The following AGAP1 variants were observed in gnomAD, a reference collection of about 807,000 sequenced individuals.
AGAP1 encodes the protein arf-GAP with GTPase, ANK repeat and PH domain-containing protein 1.
A neutral mutation model predicts 105.3 loss-of-function variants in AGAP1; 29 were observed. That is an observed-to-expected ratio of 0.28 (90% CI 0.21 to 0.38). The LOEUF is 0.38. Among genes scored for constraint, AGAP1 ranks in the 10% least tolerant of loss-of-function variants. The probability of loss-of-function intolerance (pLI) is 1.00; values close to 1 mark genes in which losing one functional copy is unlikely to be tolerated. For missense variants in AGAP1, 998 were observed against 1,165.1 expected (o/e 0.86, Z 2.09); for synonymous variants, 509 against 485.9 (o/e 1.05, Z -0.63).
chr2:236,004,363 A>G (rs919602042), intron 13 of AGAP1, among the ~76,000 whole-genome samples: 2 of 152,230 alleles, frequency 1.3e-5, no homozygotes, highest in African/African-American at 4.8e-5. Flanking sequence ...TGGGATCCAC[A>G]TTCAACATAA....
In AGAP1 at chr2:235,906,270, C is replaced by T. The variant is rs561182345; in HGVS notation, c.1156-2468C>T. Among the ~76,000 whole-genome samples the T allele has an allele frequency of 5.3e-5, 8 of 152,326 alleles. No homozygotes were observed. In the South Asian group the frequency reaches 1.2e-3, roughly 24 times the overall value. ...CCTGGATAGCCTGTCTGTCCTTTGC[C>T]GGGGAATGCCCGGCCTTGCCCCTGC... On this transcript the variant is annotated intron_variant, in intron 10 of 17. Coordinates refer to ENST00000304032, the MANE Select transcript of AGAP1 (RefSeq NM_001037131.3). The surrounding 1 kb of genome is among the most constrained non-coding windows in gnomAD (Gnocchi z 5.3).
chr2:236,064,163 C>T (rs2058283898), intron 16 of AGAP1, among the ~76,000 whole-genome samples: 1 of 152,136 alleles, frequency 6.6e-6, no homozygotes, highest in Admixed American at 6.5e-5. Flanking sequence ...TTGGACCAAG[C>T]CAGAATTAGC....
chr2:236,078,647 G>A lies in AGAP1; in HGVS notation c.2114+29366G>A, dbSNP rs1013954565. Among the ~76,000 whole-genome samples, 1 of 152,170 alleles carries A rather than the reference G, an allele frequency of 6.6e-6. No homozygotes were observed. Among genetic ancestry groups the A allele is most frequent in the African/African-American group, 2.4e-5 (1 of 41,430 alleles). On this transcript the variant is annotated intron_variant, in intron 16 of 17. Transcript: ENST00000304032. The surrounding 1 kb of genome is among the most constrained non-coding windows in gnomAD (Gnocchi z 5.3). ...GAACCACCTGCTGAGCAGCGTGCTAGCATTTCTTGACTCCAGATGGGTTTC... is the reference window on the plus strand; with the variant it reads ...GAACCACCTGCTGAGCAGCGTGCTAACATTTCTTGACTCCAGATGGGTTTC...
At chr2:236,112,023 C>CT (rs1056902231) in intron 16 of AGAP1, among the ~76,000 whole-genome samples, 2 of 152,186 alleles carry the variant, frequency 1.3e-5, no homozygotes, top group Admixed American at 6.5e-5. Context: ...TTCCCTCGGG[C>CT]TTTTACCCCA....
chr2:235,698,839 T>A, intron 1 of AGAP1, among the ~76,000 whole-genome samples: 1 of 152,224 alleles, frequency 6.6e-6, no homozygotes, highest in South Asian at 2.1e-4. Flanking sequence ...TTTTAAATTT[T>A]TATTGCTCTT....
At chr2:236,117,912 C>T (rs2059809354) in intron 16 of AGAP1, among the ~76,000 whole-genome samples, 1 of 152,138 alleles carries the variant, frequency 6.6e-6, no homozygotes, top group Non-Finnish European at 1.5e-5. Flanking sequence ...GCTGCCTCCG[C>T]TGCATTTGTG....
In AGAP1 at chr2:236,126,665, C is replaced by T. The variant is rs2060008547; in HGVS notation, c.*2543C>T. On this transcript the variant is annotated 3_prime_UTR_variant, in exon 18 of 18. Coordinates refer to ENST00000304032, the MANE Select transcript of AGAP1 (RefSeq NM_001037131.3). The stretch of plus-strand genomic sequence containing the variant: ...CTCCCCCTCAGAAAACACAGCCCCT[C>T]CTCTACCATTCTCAGTGATGTCCAT... 1 of 152,306 alleles carries T rather than the reference C, an allele frequency of 6.6e-6. No homozygotes were observed. The highest frequency in any genetic ancestry group is 1.9e-4 in the East Asian group (1 of 5,176). 9.4% of individuals were successfully genotyped at this position (152,306 alleles called of 1,614,324 possible).
At chr2:235,597,208 C>A (rs570003850) in intron 1 of AGAP1, among the ~76,000 whole-genome samples, 11 of 152,368 alleles carry the variant, frequency 7.2e-5, no homozygotes, top group African/African-American at 2.4e-4. Context: ...AGCGTTGTCA[C>A]CCTTGTTGCC....
rs1399573661 is a variant in AGAP1 at position 235,522,180 on chromosome 2, A to G, written c.163+27331A>G. On this transcript the variant is annotated intron_variant, in intron 1 of 17. Transcript: ENST00000304032. ...GGCAGTTCCTTAAACGTCAGTAAAC[A>G]TTGTTCGTGTGCCCGACCTGGGCCA... Among the ~76,000 whole-genome samples, 5 of 152,284 alleles carry G rather than the reference A, an allele frequency of 3.3e-5. No individual in the cohort carries two copies. The East Asian group carries it at 9.7e-4, about 29-fold the overall frequency.
In AGAP1 at chr2:235,842,396, T is replaced by C. The variant is rs1307425690; in HGVS notation, c.1050+35065T>C. 6.6e-6 allele frequency among the ~76,000 whole-genome samples: 1 copy of C among 152,202 alleles called. No homozygotes were observed. The highest frequency in any genetic ancestry group is 1.5e-5 in the Non-Finnish European group (1 of 68,042). ...AAATCACAGACATGTTCACAGCGCATTGCCGTTGTCCCAGATAATTGAATA... is the reference window on the plus strand; with the variant it reads ...AAATCACAGACATGTTCACAGCGCACTGCCGTTGTCCCAGATAATTGAATA... On this transcript the variant is annotated intron_variant, in intron 9 of 17. Transcript: ENST00000304032. The surrounding 1 kb of genome is among the most constrained non-coding windows in gnomAD (Gnocchi z 5.3).
chr2:235,866,398 G>T lies in AGAP1; in HGVS notation c.1051-16947G>T, dbSNP rs531013340. On this transcript the variant is annotated intron_variant, in intron 9 of 17. Coordinates refer to ENST00000304032, the MANE Select transcript of AGAP1 (RefSeq NM_001037131.3). This position sits in a 1 kb window ranked among gnomAD's most constrained non-coding sequence, Gnocchi z 6.1. Reference sequence around the variant, plus strand: ...TGAGGTACCTGGTAGATACTCGGGGGAGTGTGTCCAGTACGGAATGGGAAT... The same window carrying T: ...TGAGGTACCTGGTAGATACTCGGGGTAGTGTGTCCAGTACGGAATGGGAAT... 6.6e-6 allele frequency among the ~76,000 whole-genome samples: 1 copy of T among 152,144 alleles called. No individual in the cohort carries two copies. The highest frequency in any genetic ancestry group is 1.5e-5 in the Non-Finnish European group (1 of 68,028).
chr2:235,762,302 G>T (rs960891816), intron 6 of AGAP1, among the ~76,000 whole-genome samples: 2 of 152,146 alleles, frequency 1.3e-5, no homozygotes, highest in South Asian at 2.1e-4. Context: ...AGAAAGGGTG[G>T]CTTTGTCTCA....
chr2:235,670,635 G>T, intron 1 of AGAP1: 1 of 622,248 alleles, frequency 1.6e-6, no homozygotes, highest in Non-Finnish European at 2.9e-6. Context: ...AGCAGCTCCG[G>T]GAGCCTGGCC....
At chr2:235,683,799 T>C (rs1354130242) in intron 1 of AGAP1, among the ~76,000 whole-genome samples, 1 of 151,964 alleles carries the variant, frequency 6.6e-6, no homozygotes, top group Non-Finnish European at 1.5e-5. Flanking sequence ...GCTGCACCCA[T>C]CAACTCGTCA....
At chr2:235,593,191 G>A (rs942480538) in intron 1 of AGAP1, among the ~76,000 whole-genome samples, 1 of 152,322 alleles carries the variant, frequency 6.6e-6, no homozygotes, top group South Asian at 2.1e-4. Flanking sequence ...CTGGCATTCA[G>A]ACGGGCAGCT....
Position 235,971,557 on chromosome 2 carries a change from G to A in AGAP1, c.1645+2934G>A, listed in dbSNP as rs952718838. The stretch of plus-strand genomic sequence containing the variant: ...CTACTAAAAATACAAAAATTAGCTG[G>A]GCATGGTGGCAGGTCCCAGCTACTT... On this transcript the variant is annotated intron_variant, in intron 13 of 17. Transcript: ENST00000304032. This position sits in a 1 kb window ranked among gnomAD's most constrained non-coding sequence, Gnocchi z 4.8. Among the ~76,000 whole-genome samples, 1 of 151,904 alleles carries A rather than the reference G, an allele frequency of 6.6e-6. No individual in the cohort carries two copies. Among genetic ancestry groups the A allele is most frequent in the African/African-American group, 2.4e-5 (1 of 41,418 alleles).
intron 9 of AGAP1, among the ~76,000 whole-genome samples, chr2:235,816,088 G>A (rs769506978): frequency 5.9e-5 from 9 of 152,196 alleles, no homozygotes; most frequent in Non-Finnish European, 1.2e-4. Context: ...GGTGTTTTGT[G>A]TTTTGGTTAA....
chr2:235,538,386 T>C (rs1384529798), intron 1 of AGAP1, among the ~76,000 whole-genome samples: 1 of 150,038 alleles, frequency 6.7e-6, no homozygotes, highest in African/African-American at 2.5e-5. Context: ...GAGAATATGC[T>C]TGCTCCTCTC....
chr2:235,669,250 G>C (rs1006787503), intron 1 of AGAP1, among the ~76,000 whole-genome samples: 2 of 152,142 alleles, frequency 1.3e-5, no homozygotes, highest in Non-Finnish European at 2.9e-5. Flanking sequence ...TGAGGTTGGC[G>C]GTAACAGGTA....
Sources: allele counts gnomAD v4.1 joint callset (sites outside exome capture counted in the v4.1 genomes callset), GRCh38; gene constraint gnomAD v4.1.1; non-coding constraint Gnocchi (gnomAD v3.1); transcripts MANE v1.5; gene names NCBI Gene and HGNC (gene_info 2026-07-23, HGNC 2026-07-21).